The following CCDC171 variants were observed in gnomAD, a reference collection of about 807,000 sequenced individuals.
The protein encoded by CCDC171 is coiled-coil domain containing 171.
In CCDC171, 177 loss-of-function variants were observed where a neutral mutation model predicts 168.2. That is an observed-to-expected ratio of 1.05 (90% CI 0.93 to 1.19). The LOEUF is 1.19. CCDC171 is among the 50% of genes most tolerant of loss of function. The probability of loss-of-function intolerance (pLI) is 0.00; values close to 1 mark genes in which losing one functional copy is unlikely to be tolerated. For synonymous variants in CCDC171, 687 were observed against 540.8 expected (o/e 1.27, Z -3.75); for missense variants, 1,991 against 1,539.0 (o/e 1.29, Z -4.91).
At chr9:15,872,710 G>A (rs1383771677) in intron 23 of CCDC171, among the ~76,000 whole-genome samples, 2 of 151,774 alleles carry the variant, frequency 1.3e-5, no homozygotes, top group African/African-American at 2.4e-5. Flanking sequence ...AATTGGCCAG[G>A]GTGCAGTAAA....
chr9:15,685,381 C>G (rs1432903665), intron 10 of CCDC171, among the ~76,000 whole-genome samples: 3 of 152,124 alleles, frequency 2.0e-5, no homozygotes, highest in East Asian at 3.9e-4. Flanking sequence ...AATCCCAGCA[C>G]TTTGAGAATC....
rs1564195489 is a variant in CCDC171 at position 15,678,801 on chromosome 9, G to T, written c.1120G>T (p.Asp374Tyr). ...YFSKNKKLNE[D>Y]IEEQKKVIID... ...CTCCAAAAATAAGAAACTAAATGAA[G>T]ACATCGAGGAACAGAAGAAAGTAAT... The change falls in exon 10 of 26, where the codon GAC becomes TAC. Residue 374 changes from aspartate (D) to tyrosine (Y), a missense_variant. Physicochemically the swap from Asp to Tyr is radical, Grantham distance 160. Transcript: ENST00000380701. The T allele has an allele frequency of 6.3e-7, 1 of 1,592,654 alleles. No homozygotes were observed. The highest frequency in any genetic ancestry group is 2.2e-5 in the East Asian group (1 of 44,482).
At chr9:15,771,698 T>C (rs1026375831) in intron 18 of CCDC171, among the ~76,000 whole-genome samples, 4 of 152,234 alleles carry the variant, frequency 2.6e-5, no homozygotes, top group African/African-American at 7.2e-5. Context: ...AAGGCTAGCC[T>C]TACCTCAAGG....
chr9:15,995,179 T>C (rs1832333677), intron 3 of CCDC171, among the ~76,000 whole-genome samples: 1 of 152,226 alleles, frequency 6.6e-6, no homozygotes, highest in Non-Finnish European at 1.5e-5. Flanking sequence ...AAGTCTACCC[T>C]AGGCACATGG....
chr9:15,665,206 A>G (rs558260311), intron 8 of CCDC171, among the ~76,000 whole-genome samples: 15 of 152,216 alleles, frequency 9.9e-5, no homozygotes, highest in African/African-American at 3.6e-4. Flanking sequence ...AGCCCACGGC[A>G]GCTTCTGACT....
intron 21 of CCDC171, among the ~76,000 whole-genome samples, chr9:15,843,687 A>G (rs978965687): frequency 6.6e-6 from 1 of 152,098 alleles, no homozygotes; most frequent in African/African-American, 2.4e-5. Flanking sequence ...CTTCACTTAT[A>G]TATGAAGTAT....
intron 23 of CCDC171, among the ~76,000 whole-genome samples, chr9:15,861,216 C>CT (rs1554652750): frequency 0.1 from 15,166 of 148,450 alleles, 2,126 homozygotes; most frequent in African/African-American, 0.31. Context: ...ATAGTTGGAT[C>CT]TTTTTTTTTT....
intron 24 of CCDC171, among the ~76,000 whole-genome samples, chr9:15,887,478 A>G (rs1351377898): frequency 6.6e-6 from 1 of 152,140 alleles, no homozygotes; most frequent in Non-Finnish European, 1.5e-5. Flanking sequence ...CACTGAAGAA[A>G]ACATTAAAAG....
chr9:16,101,259 T>G, the CCDC171 span, among the ~76,000 whole-genome samples: 1 of 152,208 alleles, frequency 6.6e-6, no homozygotes, highest in Non-Finnish European at 1.5e-5. Flanking sequence ...CCAGTTAAAT[T>G]TGAATCTCAG....
At chr9:15,617,757 T>TGGTCTGCTGCAGTTTGCTGGACTTCTGCA (rs2044198844) in intron 6 of CCDC171, among the ~76,000 whole-genome samples, 4 of 152,296 alleles carry the variant, frequency 2.6e-5, no homozygotes, top group Non-Finnish European at 5.9e-5. Context: ...CCTCTTCTGA[T>TGGTCTGCTGCAGTTTGCTGGACTTCTGCA]GGTCTGCTGC....
chr9:15,624,226 G>C (rs1237500693), intron 7 of CCDC171, among the ~76,000 whole-genome samples: 1 of 152,036 alleles, frequency 6.6e-6, no homozygotes. Context: ...AAAATGAATA[G>C]TAAAATCAAC....
intron 21 of CCDC171, among the ~76,000 whole-genome samples, chr9:15,819,251 A>G (rs1448772115): frequency 8.5e-6 from 1 of 118,290 alleles, no homozygotes; most frequent in Non-Finnish European, 1.9e-5. Flanking sequence ...GCCAAATTGT[A>G]AAGACCATCG....
At position 15,744,597 on chromosome 9, in the gene CCDC171, A is replaced by C. The variant is rs2055135070; in HGVS notation, c.2374A>C (p.Lys792Gln). 6 of 1,614,104 alleles carry C rather than the reference A, an allele frequency of 3.7e-6. No homozygotes were observed. The African/African-American group carries it at 6.7e-5, about 18-fold the overall frequency. The part of the protein sequence containing the change: ...KKQEEAKMKK[K>Q]TFKGLIRIFR... The stretch of plus-strand genomic sequence containing the variant: ...GCAAGAGGAAGCCAAGATGAAAAAG[A>C]AAACATTCAAAGGATTGATACGTAT... Residue 792 changes from lysine (K) to glutamine (Q), a missense_variant, in exon 17 of 26, where the codon AAA becomes CAA. Lys to Gln is a moderately conservative substitution (Grantham distance 53, BLOSUM62 1). Transcript: ENST00000380701.
intron 7 of CCDC171, among the ~76,000 whole-genome samples, chr9:15,649,118 G>T (rs2047292435): frequency 6.6e-6 from 1 of 152,032 alleles, no homozygotes. Context: ...TCTGATCTTT[G>T]ACAAACCTGA....
chr9:16,038,157 C>G (rs1400422338), upstream of CCDC171, among the ~76,000 whole-genome samples: 2 of 152,082 alleles, frequency 1.3e-5, no homozygotes, highest in African/African-American at 4.8e-5. Flanking sequence ...GGAAAAATCA[C>G]TATCGGTTTG....
chr9:15,953,996 C>A (rs985935893), intron 25 of CCDC171, among the ~76,000 whole-genome samples: 4 of 151,704 alleles, frequency 2.6e-5, no homozygotes, highest in African/African-American at 9.7e-5. Context: ...CCCTTTTTTC[C>A]CCCTGTGGAA....
At chr9:15,640,044 T>G (rs7049101) in intron 7 of CCDC171, among the ~76,000 whole-genome samples, 2 of 151,486 alleles carry the variant, frequency 1.3e-5, no homozygotes, top group East Asian at 3.9e-4. Flanking sequence ...ACTCTATAAA[T>G]GTTCCATTCT....
intron 1 of CCDC171, among the ~76,000 whole-genome samples, chr9:15,557,755 C>T (rs2038929271): frequency 6.6e-6 from 1 of 152,084 alleles, no homozygotes. Flanking sequence ...ATTGCCCTGG[C>T]CAGAAGTTCC....
intron 10 of CCDC171, among the ~76,000 whole-genome samples, chr9:15,679,818 G>C (rs919381201): frequency 2.6e-5 from 4 of 152,070 alleles, no homozygotes; most frequent in Non-Finnish European, 5.9e-5. Context: ...CAAAGTGCTG[G>C]GATTAAGGCA....
Sources: allele counts gnomAD v4.1 joint callset (sites outside exome capture counted in the v4.1 genomes callset), GRCh38; gene constraint gnomAD v4.1.1; transcripts MANE v1.5; gene names NCBI Gene and HGNC (gene_info 2026-07-23, HGNC 2026-07-21).